Variants in CA12 observed in about 807,000 individuals in gnomAD.
CA12 encodes carbonic anhydrase 12.
In CA12, 36 loss-of-function variants were observed where a neutral mutation model predicts 46.8. The ratio of observed to expected loss-of-function variants is 0.77; its 90% CI spans 0.59 to 1.02. CA12 has a LOEUF of 1.02. CA12 is among the 50% of genes least tolerant of loss of function. CA12 has a pLI of 0.00. For synonymous variants in CA12, 202 were observed against 187.0 expected (o/e 1.08, Z -0.65); for missense variants, 436 against 451.4 (o/e 0.97, Z 0.31).
chr15:63,375,805 CT>C (rs2039563144), intron 1 of CA12, 127 bp from the exon 2 acceptor site: 2 of 622,322 alleles, frequency 3.2e-6, no homozygotes, highest in Admixed American at 6.1e-5. Context: ...GAAACTTTTT[CT>C]TTTTCTTTTT....
chr15:63,372,973 G>A lies in CA12; in HGVS notation c.106+2685C>T, dbSNP rs1395745476. Among the ~76,000 whole-genome samples the A allele has an allele frequency of 6.6e-6, 1 of 152,244 alleles. No individual in the cohort carries two copies. Among genetic ancestry groups the A allele is most frequent in the Admixed American group, 6.5e-5 (1 of 15,290 alleles). ...TAGGAGGGACAGAGGGCTGGCCAGA[G>A]CTAGTGGTCAGGGAGAAATGCTTCT... is the stretch of plus-strand genomic sequence containing the variant. On this transcript the variant is annotated intron_variant, in intron 2 of 10. Transcript: ENST00000178638. This position sits in a 1 kb window ranked among gnomAD's most constrained non-coding sequence, Gnocchi z 4.5.
At chr15:63,368,910 A>G (rs2039468053) in intron 2 of CA12, among the ~76,000 whole-genome samples, 1 of 152,150 alleles carries the variant, frequency 6.6e-6, no homozygotes, top group African/African-American at 2.4e-5. Flanking sequence ...CCTGAACCCC[A>G]AACTAGGCTC....
intron 2 of CA12, among the ~76,000 whole-genome samples, chr15:63,352,901 A>G (rs2039251617): frequency 6.6e-6 from 1 of 152,204 alleles, no homozygotes; most frequent in Admixed American, 6.5e-5. Flanking sequence ...GATGGATTGT[A>G]TTTGCAATAA....
At position 63,355,133 on chromosome 15, in the gene CA12, A is replaced by G. The variant is rs2039278911; in HGVS notation, c.107-8424T>C. 6.6e-6 allele frequency among the ~76,000 whole-genome samples: 1 copy of G among 151,644 alleles called. No individual in the cohort carries two copies. Among genetic ancestry groups the G allele is most frequent in the Non-Finnish European group, 1.5e-5 (1 of 67,900 alleles). On this transcript the variant is annotated intron_variant, in intron 2 of 10. Transcript: ENST00000178638. This position sits in a 1 kb window ranked among gnomAD's most constrained non-coding sequence, Gnocchi z 4.1. Reference sequence around the variant, plus strand: ...TGTTCATCGTGGAGAGGCTCTGCCCACCTCTCTCTGGACTTTTCTGTGTCT... The same window carrying G: ...TGTTCATCGTGGAGAGGCTCTGCCCGCCTCTCTCTGGACTTTTCTGTGTCT...
At chr15:63,351,610 C>A (rs1465969494) in intron 2 of CA12, among the ~76,000 whole-genome samples, 2 of 152,232 alleles carry the variant, frequency 1.3e-5, no homozygotes, top group Admixed American at 6.5e-5. Flanking sequence ...CCCACCTTCA[C>A]AAATGCCGTT....
chr15:63,369,807 C>T (rs796201872), intron 2 of CA12, among the ~76,000 whole-genome samples: 4 of 152,272 alleles, frequency 2.6e-5, no homozygotes, highest in African/African-American at 9.6e-5. Flanking sequence ...CCGCTTCTTC[C>T]TCCTGGTTTT....
rs78243530 is a variant in CA12 at position 63,357,192 on chromosome 15, T to C, written c.107-10483A>G. Among the ~76,000 whole-genome samples the C allele has an allele frequency of 5.0e-3, 766 of 152,314 alleles. 6 individuals are homozygous for C. Among genetic ancestry groups the C allele is most frequent in the African/African-American group, 0.018 (743 of 41,556 alleles). On this transcript the variant is annotated intron_variant, in intron 2 of 10. Coordinates refer to ENST00000178638, the MANE Select transcript of CA12 (RefSeq NM_001218.5). ...GTAGTTTACTTGGCCTAGACTTGAA[T>C]AGTGGTTGCCAGAACTTGAGTGCAC... is the stretch of plus-strand genomic sequence containing the variant.
chr15:63,376,460 A>G (rs1016962705), intron 1 of CA12, among the ~76,000 whole-genome samples: 4 of 151,988 alleles, frequency 2.6e-5, no homozygotes, highest in African/African-American at 9.7e-5. Context: ...CTCCTCACAC[A>G]AACATTGGCA....
chr15:63,346,567 G>C lies in CA12; in HGVS notation c.249C>G (p.Ala83=), dbSNP rs115949378. Residue 83 remains alanine (A), a synonymous_variant, in exon 3 of 11, where the codon GCC becomes GCG. Transcript: ENST00000178638. ...PLEFQGYNLS[A]NKQFLLTNNG... ...TGTTGGTCAGGAGAAACTGCTTGTT[G>C]GCAGACAGATTGTAGCCTTGGAACT... 2.8e-4 allele frequency: 453 copies of C among 1,614,096 alleles called. No individual in the cohort carries two copies. In the African/African-American group the frequency reaches 5.3e-3, roughly 19 times the overall value.
intron 2 of CA12, among the ~76,000 whole-genome samples, chr15:63,364,574 G>A (rs1271041885): frequency 6.6e-6 from 1 of 152,144 alleles, no homozygotes; most frequent in Non-Finnish European, 1.5e-5. Context: ...TGGGGGATGT[G>A]GGCGCTCCTC....
At chr15:63,346,323 C>T (rs1036430524) in intron 3 of CA12, among the ~76,000 whole-genome samples, 32 of 152,262 alleles carry the variant, frequency 2.1e-4, no homozygotes, top group African/African-American at 4.1e-4. Context: ...CTGGGAAGTG[C>T]GGCCCTGGCA....
At chr15:63,346,789 C>G in intron 2 of CA12, 80 bp from the exon 3 acceptor site, 2 of 1,455,634 alleles carry the variant, frequency 1.4e-6, no homozygotes, top group East Asian at 4.5e-5. Flanking sequence ...CTGTTCAATA[C>G]AATTACTCCT....
At chr15:63,336,172 C>A (rs548736183) in intron 8 of CA12, among the ~76,000 whole-genome samples, 1 of 152,182 alleles carries the variant, frequency 6.6e-6, no homozygotes, top group Non-Finnish European at 1.5e-5. Flanking sequence ...TTGATCTTGA[C>A]GTCCTAAGCT....
At chr15:63,347,777 G>T (rs916229922) in intron 2 of CA12, among the ~76,000 whole-genome samples, 5 of 152,196 alleles carry the variant, frequency 3.3e-5, no homozygotes, top group Non-Finnish European at 7.3e-5. Flanking sequence ...GGCTCGTTAG[G>T]GTAGACCCAG....
rs1319705808 is a variant in CA12 at position 63,327,253 on chromosome 15, C to G, written c.908-20G>C. ...TGATGCCTGGTGAAGAGGTAGAGGGCACACATTACATTCCTTCCTTCCCCT... is the reference window on the plus strand; with the variant it reads ...TGATGCCTGGTGAAGAGGTAGAGGGGACACATTACATTCCTTCCTTCCCCT... On this transcript the variant is annotated intron_variant, in intron 9 of 10. Coordinates refer to ENST00000178638, the MANE Select transcript of CA12 (RefSeq NM_001218.5). This position sits in a 1 kb window ranked among gnomAD's most constrained non-coding sequence, Gnocchi z 4.5. 1 of 1,599,494 alleles carries G rather than the reference C, an allele frequency of 6.3e-7. No homozygotes were observed. The highest frequency in any genetic ancestry group is 2.2e-5 in the East Asian group (1 of 44,770).
In CA12 at chr15:63,327,323, G is replaced by T; in HGVS notation, c.908-90C>A. The T allele has an allele frequency of 1.1e-6, 1 of 943,734 alleles. No individual in the cohort carries two copies. Among genetic ancestry groups the T allele is most frequent in the Non-Finnish European group, 1.7e-6 (1 of 593,028 alleles). 58.5% of individuals were successfully genotyped at this position (943,734 alleles called of 1,614,324 possible). ...CCGGGTGTGAAATCATGGCCCAGCT[G>T]CATAATCATCCACAGAAAGGAATAA... On this transcript the variant is annotated intron_variant, in intron 9 of 10. Transcript: ENST00000178638. This position sits in a 1 kb window ranked among gnomAD's most constrained non-coding sequence, Gnocchi z 4.5.
At chr15:63,337,697 C>T (rs887683520) in intron 8 of CA12, among the ~76,000 whole-genome samples, 54 of 151,948 alleles carry the variant, frequency 3.6e-4, no homozygotes, top group African/African-American at 1.3e-3. Context: ...CCTCATGATC[C>T]ACCCACCTCG....
Position 63,327,818 on chromosome 15 carries a change from G to A in CA12, c.907+280C>T, listed in dbSNP as rs551465705. ...TGACCTCCACAATGGGCTCTGGTAT[G>A]TTTTCAGCAACAGCCTCCCACCATG... On this transcript the variant is annotated intron_variant, in intron 9 of 10. Coordinates refer to ENST00000178638, the MANE Select transcript of CA12 (RefSeq NM_001218.5). This position sits in a 1 kb window ranked among gnomAD's most constrained non-coding sequence, Gnocchi z 4.5. Among the ~76,000 whole-genome samples, 44 of 152,304 alleles carry A rather than the reference G, an allele frequency of 2.9e-4. No homozygotes were observed. Among genetic ancestry groups the A allele is most frequent in the African/African-American group, 1.0e-3 (42 of 41,562 alleles).
At chr15:63,343,661 C>A (rs946702138) in intron 4 of CA12, among the ~76,000 whole-genome samples, 1 of 152,156 alleles carries the variant, frequency 6.6e-6, no homozygotes. Flanking sequence ...TTTAGGGACA[C>A]CCTGATGCCT....
Sources: gnomAD v4.1 joint callset for allele counts (sites outside exome capture counted in the v4.1 genomes callset) on GRCh38, gnomAD v4.1.1 for gene constraint, Gnocchi (gnomAD v3.1) non-coding constraint, MANE v1.5 for transcripts, NCBI Gene and HGNC (gene_info 2026-07-23, HGNC 2026-07-21) for gene names.